MYO3A: variants seen among roughly 807,000 people sequenced by gnomAD.
The protein encoded by MYO3A is myosin-IIIa.
A neutral mutation model predicts 192.7 loss-of-function variants in MYO3A; 180 were observed. That is an observed-to-expected ratio of 0.93 (90% CI 0.83 to 1.06). The LOEUF is 1.06. Among genes scored for constraint, MYO3A ranks in the 50% least tolerant of loss-of-function variants. MYO3A has a pLI of 0.00. For missense variants in MYO3A, 1,896 were observed against 1,905.0 expected (o/e 1.00, Z 0.09); for synonymous variants, 628 against 645.3 (o/e 0.97, Z 0.41).
intron 6 of MYO3A, among the ~76,000 whole-genome samples, chr10:26,003,189 A>G (rs1840963707): frequency 6.6e-6 from 1 of 152,218 alleles, no homozygotes; most frequent in Admixed American, 6.5e-5. Flanking sequence ...ACTACTTAGT[A>G]TAATTGCTGA....
At chr10:26,169,728 T>C (rs895392080) in intron 28 of MYO3A, among the ~76,000 whole-genome samples, 4 of 152,224 alleles carry the variant, frequency 2.6e-5, no homozygotes, top group Non-Finnish European at 5.9e-5. Context: ...CTTTTTGTAT[T>C]TTAAGCCCTT....
chr10:26,016,567 G>T (rs1005286534), intron 6 of MYO3A, among the ~76,000 whole-genome samples: 8 of 152,158 alleles, frequency 5.3e-5, no homozygotes, highest in Non-Finnish European at 7.4e-5. Flanking sequence ...AAGCCAGCAT[G>T]GGGGAATTAA....
chr10:26,070,363 G>A lies in MYO3A; in HGVS notation c.1321G>A (p.Ala441Thr), dbSNP rs1485386152. 2.5e-6 allele frequency: 4 copies of A among 1,613,212 alleles called. No individual in the cohort carries two copies. The South Asian group carries it at 3.3e-5, about 13-fold the overall frequency. Reference sequence around the variant, plus strand: ...AAGTGGTGCTGGAAAGACTGAAAATGCTCATCTTTTAGTTCAGCAGCTGAC... The same window carrying A: ...AAGTGGTGCTGGAAAGACTGAAAATACTCATCTTTTAGTTCAGCAGCTGAC... Reference protein sequence around the residue: ...GESGAGKTENAHLLVQQLTVL... With the variant: ...GESGAGKTENTHLLVQQLTVL... Residue 441 changes from alanine to threonine, a missense_variant, in exon 14 of 35, where the codon GCT becomes ACT. Physicochemically the swap from Ala to Thr is moderately conservative, Grantham distance 58. Transcript: ENST00000642920.
At chr10:25,947,359 G>A (rs897591826) in intron 2 of MYO3A, among the ~76,000 whole-genome samples, 2 of 148,352 alleles carry the variant, frequency 1.3e-5, no homozygotes, top group African/African-American at 2.5e-5. Flanking sequence ...GAAAAAAAAT[G>A]CATAAGATGG....
intron 4 of MYO3A, among the ~76,000 whole-genome samples, chr10:25,992,005 T>C (rs551777404): frequency 4.9e-4 from 75 of 152,330 alleles, no homozygotes; most frequent in African/African-American, 1.8e-3. Flanking sequence ...GGGCTCTTTT[T>C]TGGTTCCATA....
At chr10:26,057,467 T>C (rs1426879296) in intron 10 of MYO3A, among the ~76,000 whole-genome samples, 1 of 152,100 alleles carries the variant, frequency 6.6e-6, no homozygotes, top group Non-Finnish European at 1.5e-5. Context: ...ATACTACCAT[T>C]TTGAGATAGA....
At chr10:26,067,449 G>T (rs1834921986) in intron 11 of MYO3A, among the ~76,000 whole-genome samples, 5 of 152,094 alleles carry the variant, frequency 3.3e-5, no homozygotes, top group Admixed American at 3.3e-4. Context: ...TATTCAAAGA[G>T]CAGTCAGCCT....
intron 26 of MYO3A, among the ~76,000 whole-genome samples, chr10:26,159,383 A>G (rs1425241363): frequency 7.5e-6 from 1 of 133,032 alleles, no homozygotes; most frequent in Non-Finnish European, 1.6e-5. Context: ...TTTTTTAGAC[A>G]GAGTCTCGCT....
chr10:26,016,668 C>A, intron 6 of MYO3A, 152 bp from the exon 7 acceptor site: 1 of 754,510 alleles, frequency 1.3e-6, no homozygotes, highest in Non-Finnish European at 2.3e-6. Context: ...CTGCAGAAAT[C>A]CTGATTTAGG....
At chr10:26,198,237 C>T (rs1313613460) in intron 32 of MYO3A, among the ~76,000 whole-genome samples, 1 of 152,086 alleles carries the variant, frequency 6.6e-6, no homozygotes, top group Non-Finnish European at 1.5e-5. Flanking sequence ...TGACTTGATG[C>T]TCTTTATCTC....
intron 17 of MYO3A, among the ~76,000 whole-genome samples, chr10:26,097,264 G>A (rs1837097853): frequency 6.6e-6 from 1 of 151,926 alleles, no homozygotes; most frequent in Admixed American, 6.6e-5. Flanking sequence ...TTACATACAA[G>A]GGATCATATA....
intron 10 of MYO3A, among the ~76,000 whole-genome samples, chr10:26,037,920 T>A (rs1022215995): frequency 6.6e-6 from 1 of 151,946 alleles, no homozygotes; most frequent in African/African-American, 2.4e-5. Flanking sequence ...ACAGGGTCCC[T>A]CCCCCCAACA....
At chr10:26,006,760 G>A (rs1480269001) in intron 6 of MYO3A, among the ~76,000 whole-genome samples, 3 of 151,130 alleles carry the variant, frequency 2.0e-5, no homozygotes, top group African/African-American at 7.3e-5. Context: ...ACCAAAAAGA[G>A]TCCAGGACCA....
At chr10:26,170,339 CCA>C in intron 28 of MYO3A, 75 bp from the exon 29 acceptor site, 1 of 1,500,100 alleles carries the variant, frequency 6.7e-7, no homozygotes, top group South Asian at 1.2e-5. Flanking sequence ...ATGGTCAAAG[CCA>C]CCATTTCTAC....
chr10:26,149,843 A>G (rs1840697169), intron 23 of MYO3A, among the ~76,000 whole-genome samples: 3 of 152,152 alleles, frequency 2.0e-5, no homozygotes, highest in Non-Finnish European at 4.4e-5. Context: ...TTATCCTTTG[A>G]CCAGCATCTC....
chr10:25,957,811 T>G (rs896812358), intron 4 of MYO3A, among the ~76,000 whole-genome samples: 2 of 152,198 alleles, frequency 1.3e-5, no homozygotes, highest in Non-Finnish European at 2.9e-5. Context: ...CGGTATCTCA[T>G]TGTGTTTTGA....
rs1413110198 is a variant in MYO3A at position 25,997,198 on chromosome 10, G to A, written c.448G>A (p.Asp150Asn). The A allele has an allele frequency of 6.2e-7, 1 of 1,613,562 alleles. No individual in the cohort carries two copies. The highest frequency in any genetic ancestry group is 8.5e-7 in the Non-Finnish European group (1 of 1,179,666). The stretch of plus-strand genomic sequence containing the variant: ...GCATAACAACAAAACTATCCACAGA[G>A]ATGTGAAAGGCAATAACATTCTATT... ...HLHNNKTIHR[D>N]VKGNNILLTT... Residue 150 changes from aspartate to asparagine, a missense_variant, in exon 6 of 35, where the codon GAT (aspartate) becomes AAT (asparagine). Physicochemically the swap from Asp to Asn is conservative, Grantham distance 23. Transcript: ENST00000642920.
intron 10 of MYO3A, 107 bp downstream of exon 10, chr10:26,026,639 G>T: frequency 7.7e-7 from 1 of 1,298,760 alleles, no homozygotes; most frequent in South Asian, 1.3e-5. Context: ...AGGTAATGGG[G>T]ACTTACATGA....
rs74530571 is a variant in MYO3A at position 26,031,271 on chromosome 10, C to T, written c.953+4739C>T. 2.7e-3 allele frequency among the ~76,000 whole-genome samples: 416 copies of T among 152,284 alleles called. 1 individual carries two copies. The highest frequency in any genetic ancestry group is 9.5e-3 in the African/African-American group (394 of 41,550). On this transcript the variant is annotated intron_variant, in intron 10 of 34. Coordinates refer to ENST00000642920, the MANE Select transcript of MYO3A (RefSeq NM_017433.5). ...GAGAGCCAGGTTTAGTCATGAAAGC[C>T]GGTGGCTTCAACTGTCCTTCCTCAA...
Sources: gnomAD v4.1 joint callset for allele counts (sites outside exome capture counted in the v4.1 genomes callset) on GRCh38, gnomAD v4.1.1 for gene constraint, MANE v1.5 for transcripts, NCBI Gene and HGNC (gene_info 2026-07-23, HGNC 2026-07-21) for gene names.